The following CUBN variants were observed in gnomAD, a reference collection of about 807,000 sequenced individuals.
CUBN encodes the protein 460 kDa receptor.
A neutral mutation model predicts 405.3 loss-of-function variants in CUBN; 282 were observed. The ratio of observed to expected loss-of-function variants is 0.70; its 90% CI spans 0.63 to 0.77. The LOEUF (loss-of-function observed/expected upper bound fraction) is 0.77. Among genes scored for constraint, CUBN ranks in the 30% least tolerant of loss-of-function variants. CUBN has a pLI of 0.00. For synonymous variants in CUBN, 1,684 were observed against 1,617.0 expected (o/e 1.04, Z -0.99); for missense variants, 4,514 against 4,475.2 (o/e 1.01, Z -0.25).
At chr10:16,915,285 T>A (rs1210319275) in intron 46 of CUBN, 113 bp from the exon 47 acceptor site, 1 of 1,231,546 alleles carries the variant, frequency 8.1e-7, no homozygotes, top group Admixed American at 1.8e-5. Context: ...ACCCTGCCTA[T>A]GAAGAAACGT....
chr10:16,932,914 T>C (rs1842399964), intron 40 of CUBN, among the ~76,000 whole-genome samples, 173 bp downstream of exon 40: 1 of 152,242 alleles, frequency 6.6e-6, no homozygotes, highest in Non-Finnish European at 1.5e-5. Context: ...AATTTAATAC[T>C]TTCTATGTCC....
chr10:16,913,344 C>G (rs923490776), intron 48 of CUBN, among the ~76,000 whole-genome samples: 5 of 152,198 alleles, frequency 3.3e-5, no homozygotes, highest in Non-Finnish European at 5.9e-5. Context: ...GCTGAAGACA[C>G]ATGTGAAACC....
At chr10:16,870,168 A>T (rs1266550552) in intron 58 of CUBN, among the ~76,000 whole-genome samples, 1 of 152,228 alleles carries the variant, frequency 6.6e-6, no homozygotes, top group Non-Finnish European at 1.5e-5. Flanking sequence ...ACAACTTTTG[A>T]CAAGTTGAAC....
At chr10:16,855,483 G>A (rs1839844239) in intron 59 of CUBN, among the ~76,000 whole-genome samples, 1 of 152,038 alleles carries the variant, frequency 6.6e-6, no homozygotes, top group African/African-American at 2.4e-5. Context: ...AGTAACTGCT[G>A]GTTCAAAGAA....
chr10:16,993,754 C>T (rs1833657533), intron 28 of CUBN, among the ~76,000 whole-genome samples: 1 of 151,726 alleles, frequency 6.6e-6, no homozygotes, highest in African/African-American at 2.4e-5. Context: ...ATCCACCCGC[C>T]TTGGCCTCCC....
At position 16,835,211 on chromosome 10, in the gene CUBN, G is replaced by T. The variant is rs190546478; in HGVS notation, c.10181-16C>A. The T allele has an allele frequency of 2.0e-4, 325 of 1,602,362 alleles. 4 individuals are homozygous for T. In the East Asian group the frequency reaches 4.6e-3, roughly 23 times the overall value. Reference sequence around the variant, plus strand: ...CTGTTGCAATCTTAGAGGAAAAATAGGCATAATTAATGTACGCATTCCAAT... The same window carrying T: ...CTGTTGCAATCTTAGAGGAAAAATATGCATAATTAATGTACGCATTCCAAT... On this transcript the variant is annotated splice_polypyrimidine_tract_variant and intron_variant, in intron 63 of 66. Transcript: ENST00000377833.
Position 17,041,219 on chromosome 10 carries a change from T to A in CUBN, c.3831A>T (p.Thr1277=), listed in dbSNP as rs755629637. 1 of 1,612,662 alleles carries A rather than the reference T, an allele frequency of 6.2e-7. No homozygotes were observed. Among genetic ancestry groups the A allele is most frequent in the African/African-American group, 1.3e-5 (1 of 74,862 alleles). The change falls in exon 27 of 67, where the codon ACA becomes ACT. Residue 1277 remains threonine, a splice_region_variant and synonymous_variant. Coordinates refer to ENST00000377833, the MANE Select transcript of CUBN (RefSeq NM_001081.4). The part of the protein sequence containing the change: ...GRGFKAEYRQ[T]CENVVIVNQT... ...GATTGACTATTACCACATTCTCACA[T>A]GCTGGAAAAAGAAATGACTGTTAAG... is the stretch of plus-strand genomic sequence containing the variant.
At chr10:17,097,861 G>A (rs754325535) in intron 14 of CUBN, among the ~76,000 whole-genome samples, 2 of 152,056 alleles carry the variant, frequency 1.3e-5, no homozygotes, top group Non-Finnish European at 2.9e-5. Context: ...GGAACAAAAG[G>A]TGTGGGTTTT....
chr10:17,030,780 G>C (rs953823174), intron 27 of CUBN, among the ~76,000 whole-genome samples: 4 of 152,084 alleles, frequency 2.6e-5, no homozygotes, highest in African/African-American at 9.7e-5. Flanking sequence ...TTAGCCAGGT[G>C]TGGTGGTGGG....
At position 16,905,610 on chromosome 10, in the gene CUBN, C is replaced by T. The variant is rs1395958660; in HGVS notation, c.7912+593G>A. Among the ~76,000 whole-genome samples the T allele has an allele frequency of 2.0e-5, 3 of 152,160 alleles. No homozygotes were observed. In the East Asian group the frequency reaches 5.8e-4, roughly 29 times the overall value. On this transcript the variant is annotated intron_variant, in intron 50 of 66. Transcript: ENST00000377833. ...GAGTCTTGATAGTAGTGGACTCTCG[C>T]TTCGGCAAAAGTCACATGCCGGGAA...
chr10:17,115,329 C>T (rs923627918), intron 7 of CUBN, 142 bp downstream of exon 7: 12 of 937,688 alleles, frequency 1.3e-5, no homozygotes, highest in Non-Finnish European at 2.0e-5. Flanking sequence ...ATCTCCCCTC[C>T]TCGCCTATGT....
At chr10:16,847,709 C>T (rs1260652016) in intron 60 of CUBN, among the ~76,000 whole-genome samples, 1 of 152,136 alleles carries the variant, frequency 6.6e-6, no homozygotes, top group African/African-American at 2.4e-5. Flanking sequence ...AAAGAGACTG[C>T]TCAGTGACAT....
At chr10:16,852,644 G>A (rs1486955852) in intron 59 of CUBN, among the ~76,000 whole-genome samples, 1 of 152,198 alleles carries the variant, frequency 6.6e-6, no homozygotes, top group African/African-American at 2.4e-5. Flanking sequence ...ACGTTTTTGG[G>A]ATTGCTGATG....
Position 16,851,255 on chromosome 10 carries a change from A to G in CUBN, c.9643T>C (p.Cys3215Arg), listed in dbSNP as rs765333930. The G allele has an allele frequency of 6.2e-7, 1 of 1,613,956 alleles. No individual in the cohort carries two copies. Among genetic ancestry groups the G allele is most frequent in the Non-Finnish European group, 8.5e-7 (1 of 1,179,826 alleles). The change falls in exon 60 of 67, where the codon TGC becomes CGC. Residue 3215 changes from cysteine (C) to arginine (R), a missense_variant. Coordinates refer to ENST00000377833, the MANE Select transcript of CUBN (RefSeq NM_001081.4). ...CTTACCTTTACATAATCATAAAGGC[A>G]TCTTTGCCTAGTACTTGCTGCCTCC... The part of the protein sequence containing the change: ...ALEAASTRQR[C>R]LYDYVKLYDG...
At chr10:16,834,298 G>T (rs1056159365) in intron 64 of CUBN, among the ~76,000 whole-genome samples, 11 of 152,112 alleles carry the variant, frequency 7.2e-5, no homozygotes, top group Admixed American at 6.5e-5. Context: ...GGAGCTCATC[G>T]GGGGCACTGG....
At chr10:17,058,884 G>A (rs989762258) in intron 22 of CUBN, among the ~76,000 whole-genome samples, 4 of 151,970 alleles carry the variant, frequency 2.6e-5, no homozygotes, top group African/African-American at 9.7e-5. Context: ...AAAATGCAAA[G>A]ATAAAAATGT....
intron 56 of CUBN, among the ~76,000 whole-genome samples, chr10:16,883,139 A>C (rs1280059265): frequency 1.3e-5 from 2 of 152,190 alleles, no homozygotes; most frequent in Non-Finnish European, 2.9e-5. Flanking sequence ...GAGGCACATG[A>C]ATTACCAGGC....
At chr10:16,898,894 A>C in intron 54 of CUBN, 102 bp downstream of exon 54, 1 of 857,114 alleles carries the variant, frequency 1.2e-6, no homozygotes, top group Non-Finnish European at 2.0e-6. Flanking sequence ...GAATCCAGGC[A>C]GCAAAATTTT....
chr10:16,902,546 C>T (rs2131426402), intron 51 of CUBN, among the ~76,000 whole-genome samples: 1 of 152,028 alleles, frequency 6.6e-6, no homozygotes, highest in East Asian at 1.9e-4. Flanking sequence ...TGAAACCTGA[C>T]TCTTCTTTGA....
Sources: gnomAD v4.1 joint callset for allele counts (sites outside exome capture counted in the v4.1 genomes callset) on GRCh38, gnomAD v4.1.1 for gene constraint, MANE v1.5 for transcripts, NCBI Gene and HGNC (gene_info 2026-07-23, HGNC 2026-07-21) for gene names.